The following SLC9A8 variants were observed in gnomAD, a reference collection of about 807,000 sequenced individuals.
SLC9A8 encodes sodium/hydrogen exchanger 8.
A neutral mutation model predicts 66.6 loss-of-function variants in SLC9A8; 48 were observed. The observed-to-expected ratio is 0.72, with a 90% confidence interval of 0.57 to 0.92. The LOEUF is 0.92. Ranked by LOEUF, SLC9A8 falls within the 40% of genes least tolerant of loss-of-function variation. The pLI is 0.00. For missense variants in SLC9A8, 599 were observed against 747.3 expected, an observed-to-expected ratio of 0.80 and a Z score of 2.31; for synonymous variants, 274 against 282.6, an observed-to-expected ratio of 0.97 and a Z score of 0.31.
At chr20:49,828,810 GCCTGGGTGACAGAGTGAGA>G (rs957139788) in intron 3 of SLC9A8, among the ~76,000 whole-genome samples, 3 of 151,346 alleles carry the variant, frequency 2.0e-5, no homozygotes, top group African/African-American at 7.3e-5. Context: ...CTGCACTCCA[GCCTGGGTGACAGAGTGAGA>G]CTCTGTCTCA....
chr20:49,872,454 AC>A (rs2089250097), intron 10 of SLC9A8, among the ~76,000 whole-genome samples: 1 of 42,758 alleles, frequency 2.3e-5, no homozygotes, highest in African/African-American at 9.2e-5. Flanking sequence ...TGTGATTTTC[AC>A]CCTTTTTTTT....
chr20:49,839,537 G>A lies in SLC9A8; in HGVS notation c.290-4G>A. On this transcript the variant is annotated splice_polypyrimidine_tract_variant and splice_region_variant and intron_variant, in intron 3 of 15. Transcript: ENST00000361573. ...TATGTTAAAGTTTACATTTTCTCTT[G>A]TAGGTATTCTCATGGGAGCAGTTAT... The A allele has an allele frequency of 2.0e-6, 3 of 1,521,322 alleles. No homozygotes were observed. The highest frequency in any genetic ancestry group is 2.7e-6 in the Non-Finnish European group (3 of 1,101,546). 94.2% of individuals were successfully genotyped at this position (1,521,322 alleles called of 1,614,324 possible). A position where few individuals can be genotyped will look rare whatever the true frequency, so the allele number is the denominator to read the frequency against.
chr20:49,833,971 G>A (rs1247620295), intron 3 of SLC9A8, among the ~76,000 whole-genome samples: 1 of 151,620 alleles, frequency 6.6e-6, no homozygotes, highest in African/African-American at 2.4e-5. Flanking sequence ...AATATAAGCT[G>A]GGCGCAGTGG....
At chr20:49,882,489 T>G (rs975627792) in intron 13 of SLC9A8, among the ~76,000 whole-genome samples, 1 of 152,230 alleles carries the variant, frequency 6.6e-6, no homozygotes, top group African/African-American at 2.4e-5. Context: ...AGTGGCTTCT[T>G]CAGGACTTGG....
chr20:49,832,162 T>G (rs1372124665), intron 3 of SLC9A8, among the ~76,000 whole-genome samples: 1 of 152,124 alleles, frequency 6.6e-6, no homozygotes, highest in African/African-American at 2.4e-5. Context: ...CTCCCCACCT[T>G]CCTCTCATGG....
At chr20:49,829,168 A>G (rs1265430430) in intron 3 of SLC9A8, 1 of 152,080 alleles carries the variant, frequency 6.6e-6, no homozygotes, top group Non-Finnish European at 1.5e-5. Flanking sequence ...ATGTGGGGGA[A>G]ACTCGGCTGG....
chr20:49,878,635 G>A (rs2146740057), intron 12 of SLC9A8, among the ~76,000 whole-genome samples: 1 of 152,300 alleles, frequency 6.6e-6, no homozygotes, highest in Middle Eastern at 3.4e-3. Context: ...CTCTCAGTCA[G>A]CAAGAGCTCA....
At chr20:49,873,873 A>G (rs2089314645) in intron 10 of SLC9A8, among the ~76,000 whole-genome samples, 1 of 151,606 alleles carries the variant, frequency 6.6e-6, no homozygotes. Context: ...ACCCTTATAT[A>G]GTCATCCCTC....
intron 14 of SLC9A8, chr20:49,884,290 A>ACACACACACGCGCG: frequency 7.8e-6 from 1 of 128,370 alleles, no homozygotes; most frequent in East Asian, 2.5e-4. Flanking sequence ...CACACACACG[A>ACACACACACGCGCG]CACACACACA....
intron 3 of SLC9A8, chr20:49,830,140 AGAAGTT>A: frequency 1.3e-6 from 1 of 747,484 alleles, no homozygotes; most frequent in Non-Finnish European, 2.5e-6. Flanking sequence ...GCAATCACAA[AGAAGTT>A]GAAAATATGT....
chr20:49,887,697 A>G, intron 15 of SLC9A8, 132 bp from the exon 16 acceptor site: 1 of 628,848 alleles, frequency 1.6e-6, no homozygotes, highest in Non-Finnish European at 2.8e-6. Flanking sequence ...CTGAAACTGA[A>G]GTTGCCTGTG....
chr20:49,846,537 G>A (rs2087999229), intron 5 of SLC9A8, among the ~76,000 whole-genome samples: 1 of 150,888 alleles, frequency 6.6e-6, no homozygotes, highest in Admixed American at 6.7e-5. Flanking sequence ...CTAAATAAAT[G>A]AAGTGCTGCT....
chr20:49,813,586 C>T (rs1053253158), intron 1 of SLC9A8, among the ~76,000 whole-genome samples: 3 of 152,192 alleles, frequency 2.0e-5, no homozygotes, highest in African/African-American at 4.8e-5. Flanking sequence ...TTATTTATAT[C>T]CTACTGCTCA....
chr20:49,831,828 T>C (rs1177172806), intron 3 of SLC9A8, among the ~76,000 whole-genome samples: 1 of 152,216 alleles, frequency 6.6e-6, no homozygotes, highest in African/African-American at 2.4e-5. Flanking sequence ...GGCCCTGGCT[T>C]TCCAGGGAGT....
intron 2 of SLC9A8, among the ~76,000 whole-genome samples, chr20:49,818,551 C>T (rs1600626689): frequency 6.8e-6 from 1 of 147,718 alleles, no homozygotes; most frequent in Non-Finnish European, 1.5e-5. Context: ...AGTGCAGTGG[C>T]ATGATCTCAC....
At chr20:49,880,736 C>T (rs1329122363) in intron 12 of SLC9A8, among the ~76,000 whole-genome samples, 188 bp from the exon 13 acceptor site, 1 of 152,194 alleles carries the variant, frequency 6.6e-6, no homozygotes, top group African/African-American at 2.4e-5. Flanking sequence ...GCATAGAATC[C>T]CGCAGCTGTG....
intron 3 of SLC9A8, among the ~76,000 whole-genome samples, chr20:49,835,528 C>T (rs2087495052): frequency 6.6e-6 from 1 of 152,122 alleles, no homozygotes; most frequent in African/African-American, 2.4e-5. Context: ...TTTCTCCCTT[C>T]TCCCATCCCC....
At chr20:49,818,753 A>G (rs1199945471) in intron 2 of SLC9A8, among the ~76,000 whole-genome samples, 3 of 152,120 alleles carry the variant, frequency 2.0e-5, no homozygotes, top group Non-Finnish European at 4.4e-5. Flanking sequence ...AGCCTCCCAA[A>G]GTGCTGGGAT....
chr20:49,827,481 A>T (rs904752284), intron 3 of SLC9A8, among the ~76,000 whole-genome samples: 4 of 151,550 alleles, frequency 2.6e-5, no homozygotes, highest in Non-Finnish European at 4.4e-5. Context: ...GTGCACGCCT[A>T]TAGTCCCAGC....
Sources: allele counts gnomAD v4.1 joint callset (sites outside exome capture counted in the v4.1 genomes callset), GRCh38; gene constraint gnomAD v4.1.1; transcripts MANE v1.5; gene names NCBI Gene and HGNC (gene_info 2026-07-23, HGNC 2026-07-21).